Variants in CST8 observed in about 807,000 individuals in gnomAD.
CST8 encodes cystatin 8.
In CST8, 20 loss-of-function variants were observed where a neutral mutation model predicts 11.8. That is an observed-to-expected ratio of 1.70 (90% CI 1.20 to 2.47). CST8 has a LOEUF of 2.47. Among genes scored for constraint, CST8 ranks in the 30% most tolerant of loss-of-function variants. The pLI is 0.00. For synonymous variants in CST8, 77 were observed against 63.1 expected, an observed-to-expected ratio of 1.22 and a Z score of -1.05; for missense variants, 196 against 167.2, an observed-to-expected ratio of 1.17 and a Z score of -0.95.
intron 3 of CST8, among the ~76,000 whole-genome samples, chr20:23,494,839 G>A (rs1987994202): frequency 1.3e-5 from 2 of 152,182 alleles, no homozygotes; most frequent in Non-Finnish European, 2.9e-5. Flanking sequence ...GTAGATTCAG[G>A]GGTACACATA....
chr20:23,491,366 G>A (rs1987873853), intron 1 of CST8, 24 bp downstream of exon 1: 7 of 421,518 alleles, frequency 1.7e-5, no homozygotes, highest in East Asian at 1.4e-4. Context: ...CACTGGGGCC[G>A]AAGGGGAGAG....
downstream of CST8, among the ~76,000 whole-genome samples, chr20:23,500,396 C>T (rs534097397): frequency 6.6e-6 from 1 of 152,258 alleles, no homozygotes; most frequent in South Asian, 2.1e-4. Context: ...GACGTGAGTG[C>T]TGTCCCAGCT....
At chr20:23,498,782 G>T (rs1988118966), downstream of CST8, among the ~76,000 whole-genome samples, 1 of 152,178 alleles carries the variant, frequency 6.6e-6, no homozygotes, top group Non-Finnish European at 1.5e-5. Context: ...TATTACTTGA[G>T]ATTAATACAT....
chr20:23,498,636 C>T (rs904771151), downstream of CST8, among the ~76,000 whole-genome samples: 1 of 152,222 alleles, frequency 6.6e-6, no homozygotes, highest in African/African-American at 2.4e-5. Flanking sequence ...TCAGCCCCTG[C>T]CTGTGGTCTC....
rs528775198 is a variant in CST8, at chr20:23,492,874, G to C, written c.232-84G>C. 8.5e-6 allele frequency: 7 copies of C among 825,548 alleles called. No individual in the cohort carries two copies. In the East Asian group the frequency reaches 1.7e-4, roughly 20 times the overall value. 51.1% of individuals were successfully genotyped at this position (825,548 alleles called of 1,614,324 possible). A position where few individuals can be genotyped will look rare whatever the true frequency, so the allele number is the denominator to read the frequency against. ...GGAGGAAGGAAAGAGGAAAGGACGA[G>C]AGTAAGAGTAATTTTTTTTTTTTGT... On this transcript the variant is annotated intron_variant, in intron 2 of 3. Coordinates refer to ENST00000246012, the MANE Select transcript of CST8 (RefSeq NM_005492.4).
intron 3 of CST8, among the ~76,000 whole-genome samples, chr20:23,495,017 A>G (rs781462989): frequency 1.2e-4 from 18 of 151,866 alleles, no homozygotes; most frequent in Non-Finnish European, 2.1e-4. Context: ...CTTTGTGTCT[A>G]TGTGTTCTCA....
In CST8 at chr20:23,491,447, G is replaced by T. The variant is rs570071668; in HGVS notation, c.-143-78G>T. The T allele has an allele frequency of 3.1e-5, 18 of 576,918 alleles. No individual in the cohort carries two copies. In the African/African-American group the frequency reaches 3.4e-4, roughly 11 times the overall value. The allele number at this position is 576,918 out of a possible 1,614,324, so 35.7% of individuals were successfully genotyped here. ...GGCTGGTAGAGAGACTCCTTAACTG[G>T]CATTCCTGGGTGGGTTTCCATGGAG... is the stretch of plus-strand genomic sequence containing the variant. On this transcript the variant is annotated intron_variant, in intron 1 of 3. Transcript: ENST00000246012.
the CST8 span, among the ~76,000 whole-genome samples, chr20:23,504,862 G>A: frequency 1.8e-4 from 27 of 152,184 alleles, no homozygotes; most frequent in Non-Finnish European, 3.1e-4. Flanking sequence ...CCAAAGCTGG[G>A]GAGGTCAGGA....
At chr20:23,492,089 G>A (rs563973628) in intron 2 of CST8, among the ~76,000 whole-genome samples, 191 bp downstream of exon 2, 18 of 152,324 alleles carry the variant, frequency 1.2e-4, no homozygotes, top group African/African-American at 3.8e-4. Context: ...AAACGCTTGC[G>A]CTTTTGTTCT....
chr20:23,502,223 T>C, the CST8 span, among the ~76,000 whole-genome samples: 1 of 152,238 alleles, frequency 6.6e-6, no homozygotes, highest in Non-Finnish European at 1.5e-5. Context: ...AGGAAACCAG[T>C]CCAGGGTGGA....
chr20:23,505,139 C>CTTTTTTTTTTTTTTTTTTTTTTTTTT, the CST8 span, among the ~76,000 whole-genome samples: 2 of 82,030 alleles, frequency 2.4e-5, no homozygotes, highest in Non-Finnish European at 4.5e-5. Flanking sequence ...AAGAAGCATT[C>CTTTTTTTTTTTTTTTTTTTTTTTTTT]TTTTTTTTTT....
downstream of CST8, among the ~76,000 whole-genome samples, chr20:23,500,061 C>T (rs1023993461): frequency 2.6e-5 from 4 of 151,160 alleles, no homozygotes; most frequent in East Asian, 1.9e-4. Flanking sequence ...AATAGAGACA[C>T]AGAGAGGAGA....
chr20:23,503,825 A>G, the CST8 span, among the ~76,000 whole-genome samples: 78 of 152,340 alleles, frequency 5.1e-4, no homozygotes, highest in African/African-American at 1.8e-3. Context: ...CCCTGAGGCC[A>G]CAGAGACGTG....
chr20:23,492,083 G>A (rs541197020), intron 2 of CST8, among the ~76,000 whole-genome samples, 185 bp downstream of exon 2: 3 of 152,272 alleles, frequency 2.0e-5, no homozygotes, highest in East Asian at 3.9e-4. Context: ...TTCTACAAAC[G>A]CTTGCGCTTT....
chr20:23,492,767 G>T (rs540967102), intron 2 of CST8, among the ~76,000 whole-genome samples, 191 bp from the exon 3 acceptor site: 6 of 152,298 alleles, frequency 3.9e-5, no homozygotes, highest in African/African-American at 1.4e-4. Flanking sequence ...GGAGCCTATG[G>T]AGTCCTGACT....
rs781708523 is a variant in CST8, at chr20:23,491,922, T to C, written c.231+24T>C. On this transcript the variant is annotated intron_variant, in intron 2 of 3. Coordinates refer to ENST00000246012, the MANE Select transcript of CST8 (RefSeq NM_005492.4). ...AGGTAAAGGTGTCTTTCCATATAGG[T>C]GGACATTTGCATATGGTGGCACAGT... 9.3e-5 allele frequency: 146 copies of C among 1,574,448 alleles called. No individual in the cohort carries two copies. The Admixed American group carries it at 2.4e-3, about 26-fold the overall frequency.
chr20:23,493,139 C>T (rs974301222), intron 3 of CST8, 68 bp downstream of exon 3: 34 of 968,302 alleles, frequency 3.5e-5, no homozygotes, highest in African/African-American at 9.6e-5. Context: ...AGCTGAGGCA[C>T]GCAGACCTTC....
At chr20:23,505,700 G>A in the CST8 span, among the ~76,000 whole-genome samples, 2 of 152,192 alleles carry the variant, frequency 1.3e-5, no homozygotes, top group Non-Finnish European at 2.9e-5. Flanking sequence ...AAAATGAGAT[G>A]TCCTCCATTA....
chr20:23,498,938 C>T (rs1014766842), downstream of CST8, among the ~76,000 whole-genome samples: 1 of 152,228 alleles, frequency 6.6e-6, no homozygotes, highest in Non-Finnish European at 1.5e-5. Flanking sequence ...CTTCCAGGGG[C>T]TCCCAGTGGC....
Sources: gnomAD v4.1 joint callset for allele counts (sites outside exome capture counted in the v4.1 genomes callset) on GRCh38, gnomAD v4.1.1 for gene constraint, MANE v1.5 for transcripts, NCBI Gene and HGNC (gene_info 2026-07-23, HGNC 2026-07-21) for gene names.